The following TENM3 variants were observed in gnomAD, a reference collection of about 807,000 sequenced individuals.
TENM3 encodes teneurin transmembrane protein 3.
TENM3 carries 63 observed loss-of-function variants against 255.1 expected under a neutral mutation model. The ratio of observed to expected loss-of-function variants is 0.25; its 90% CI spans 0.20 to 0.30. The LOEUF is 0.30. Ranked by LOEUF, TENM3 falls within the 10% of genes least tolerant of loss-of-function variation. The pLI is 1.00. For missense variants in TENM3, 2,929 were observed against 3,461.1 expected (o/e 0.85, Z 3.86); for synonymous variants, 1,306 against 1,322.3 (o/e 0.99, Z 0.27).
chr4:182,136,577 A>G, the TENM3 span, among the ~76,000 whole-genome samples: 56 of 152,378 alleles, frequency 3.7e-4, no homozygotes, highest in South Asian at 0.011. Flanking sequence ...CACATACCTA[A>G]TAGGTCACCC....
the TENM3 span, among the ~76,000 whole-genome samples, chr4:181,808,219 C>T: frequency 1.3e-5 from 2 of 152,124 alleles, no homozygotes; most frequent in South Asian, 4.1e-4. Flanking sequence ...TACATTGCAG[C>T]GAGGTACCAT....
the TENM3 span, among the ~76,000 whole-genome samples, chr4:182,131,872 G>A: frequency 1.3e-5 from 2 of 152,154 alleles, no homozygotes; most frequent in South Asian, 2.1e-4. Flanking sequence ...TCAAATAGCA[G>A]CAAACTTACA....
rs577876826 is a variant in TENM3 at position 182,160,811 on chromosome 4, T to TAAG, written c.-76+16059_-76+16061dup. 2.3e-3 allele frequency among the ~76,000 whole-genome samples: 356 copies of TAAG among 152,236 alleles called. 4 individuals are homozygous for TAAG. The highest frequency in any genetic ancestry group is 0.02 in the Admixed American group (308 of 15,290). On this transcript the variant is annotated intron_variant, in intron 1 of 2. Transcript: ENST00000512480. ...GCTATTGTATATTTCAAAAGAGCTATAAGAGAGGAGTTTAAATGTTCTCAC... is the reference window on the plus strand; with the variant it reads ...GCTATTGTATATTTCAAAAGAGCTATAAGAAGAGAGGAGTTTAAATGTTCTCAC...
At chr4:182,472,281 C>T (rs1490488393) in intron 3 of TENM3, among the ~76,000 whole-genome samples, 1 of 152,066 alleles carries the variant, frequency 6.6e-6, no homozygotes, top group African/African-American at 2.4e-5. Flanking sequence ...TTTGTAATTT[C>T]TACTCTAATC....
the TENM3 span, among the ~76,000 whole-genome samples, chr4:181,712,652 C>T: frequency 4.7e-4 from 71 of 152,234 alleles, no homozygotes; most frequent in East Asian, 7.1e-3. Flanking sequence ...TTTTATTTTT[C>T]GCTCTCTTGG....
intron 13 of TENM3, among the ~76,000 whole-genome samples, chr4:182,721,549 TGA>T (rs1759734004): frequency 1.3e-5 from 2 of 152,146 alleles, no homozygotes; most frequent in Non-Finnish European, 2.9e-5. Context: ...TGTGTGTGTG[TGA>T]GTGTGTATCT....
At chr4:181,487,023 G>T in the TENM3 span, among the ~76,000 whole-genome samples, 1 of 152,110 alleles carries the variant, frequency 6.6e-6, no homozygotes, top group Non-Finnish European at 1.5e-5. Context: ...ATTCATAATT[G>T]TTTAAAATCA....
At chr4:181,859,572 AAT>A in the TENM3 span, among the ~76,000 whole-genome samples, 2 of 152,150 alleles carry the variant, frequency 1.3e-5, no homozygotes, top group South Asian at 2.1e-4. Flanking sequence ...TCAGAGGTGC[AAT>A]ATGTTTTATT....
the TENM3 span, among the ~76,000 whole-genome samples, chr4:181,821,816 T>G: frequency 4.6e-5 from 7 of 152,208 alleles, no homozygotes; most frequent in Non-Finnish European, 1.0e-4. Flanking sequence ...TTTAGGCTAC[T>G]CTGCCATGCA....
the TENM3 span, among the ~76,000 whole-genome samples, chr4:181,817,079 C>T: frequency 4.6e-5 from 7 of 152,324 alleles, no homozygotes; most frequent in South Asian, 2.1e-4. Context: ...ATGCTCCTTT[C>T]GCTATGCCAT....
At chr4:181,997,403 A>G in the TENM3 span, among the ~76,000 whole-genome samples, 1 of 152,162 alleles carries the variant, frequency 6.6e-6, no homozygotes, top group Non-Finnish European at 1.5e-5. Context: ...TACTTATTCA[A>G]TGTTCCCGAA....
the TENM3 span, among the ~76,000 whole-genome samples, chr4:181,493,695 A>G: frequency 6.6e-5 from 10 of 151,532 alleles, no homozygotes; most frequent in African/African-American, 2.4e-4. Context: ...AGTGAGCCGA[A>G]ATCACACTAT....
At chr4:182,144,105 G>A (rs928025737), upstream of TENM3, 3 of 152,974 alleles carry the variant, frequency 2.0e-5, no homozygotes, top group African/African-American at 7.2e-5. Context: ...ATCACAGCCA[G>A]GTCCAGCTCG....
chr4:182,337,239 A>G (rs1029661845), intron 2 of TENM3, among the ~76,000 whole-genome samples: 1 of 152,348 alleles, frequency 6.6e-6, no homozygotes, highest in African/African-American at 2.4e-5. Flanking sequence ...TGCTTATCAG[A>G]CATTACCTTT....
At chr4:182,192,481 AG>A (rs1270139707) in intron 1 of TENM3, among the ~76,000 whole-genome samples, 2 of 152,216 alleles carry the variant, frequency 1.3e-5, no homozygotes, top group Non-Finnish European at 1.5e-5. Flanking sequence ...GTGGAAGATC[AG>A]GCAGGACTAC....
At chr4:181,602,479 G>A in the TENM3 span, among the ~76,000 whole-genome samples, 2 of 152,242 alleles carry the variant, frequency 1.3e-5, no homozygotes, top group African/African-American at 4.8e-5. Context: ...TTTTTTTTGA[G>A]TCATTAGTGA....
At chr4:182,016,255 G>A in the TENM3 span, among the ~76,000 whole-genome samples, 2 of 152,148 alleles carry the variant, frequency 1.3e-5, no homozygotes, top group South Asian at 4.1e-4. Flanking sequence ...TGGTGCTACC[G>A]TTGAGGTACT....
At chr4:182,052,974 A>C in the TENM3 span, among the ~76,000 whole-genome samples, 4 of 152,170 alleles carry the variant, frequency 2.6e-5, no homozygotes, top group Non-Finnish European at 5.9e-5. Context: ...GTATATATAC[A>C]TATACATTAT....
chr4:182,438,366 C>T (rs2151237090), intron 3 of TENM3, among the ~76,000 whole-genome samples: 1 of 152,262 alleles, frequency 6.6e-6, no homozygotes, highest in African/African-American at 2.4e-5. Context: ...TGAGTTTCAG[C>T]CATGCATTTT....
Sources: allele counts gnomAD v4.1 joint callset (sites outside exome capture counted in the v4.1 genomes callset), GRCh38; gene constraint gnomAD v4.1.1; transcripts MANE v1.5; gene names NCBI Gene and HGNC (gene_info 2026-07-23, HGNC 2026-07-21).